CARMIL1: variants seen among roughly 807,000 people sequenced by gnomAD.
The protein encoded by CARMIL1 is F-actin-uncapping protein LRRC16A.
CARMIL1 carries 90 observed loss-of-function variants against 177.1 expected under a neutral mutation model. The observed-to-expected ratio is 0.51, with a 90% CI of 0.43 to 0.61. The LOEUF is 0.61. CARMIL1 is among the 20% of genes least tolerant of loss of function. The pLI, the probability that CARMIL1 is intolerant of heterozygous loss-of-function variation, is 0.00. For missense variants in CARMIL1, 1,380 were observed against 1,667.0 expected (o/e 0.83, Z 3.00); for synonymous variants, 577 against 606.2 (o/e 0.95, Z 0.71).
intron 2 of CARMIL1, chr6:25,287,334 C>T (rs1781593841): frequency 6.6e-6 from 1 of 152,194 alleles, no homozygotes; most frequent in South Asian, 2.1e-4. Context: ...TTTCTTCTTA[C>T]ACTTGAGACT....
At chr6:25,461,883 G>A (rs1052079513) in intron 8 of CARMIL1, among the ~76,000 whole-genome samples, 20 of 151,808 alleles carry the variant, frequency 1.3e-4, no homozygotes, top group Admixed American at 2.6e-4. Flanking sequence ...TTTTTAAACC[G>A]TGCATCTCTT....
chr6:25,550,711 G>A (rs1273320422), intron 26 of CARMIL1, among the ~76,000 whole-genome samples, 199 bp from the exon 27 acceptor site: 1 of 152,130 alleles, frequency 6.6e-6, no homozygotes, highest in Non-Finnish European at 1.5e-5. Context: ...CTGATTTAAA[G>A]TGATTACCAG....
At chr6:25,407,726 C>T (rs577018001) in intron 2 of CARMIL1, among the ~76,000 whole-genome samples, 1 of 152,122 alleles carries the variant, frequency 6.6e-6, no homozygotes, top group Non-Finnish European at 1.5e-5. Flanking sequence ...AGGACATTAA[C>T]ACATGGAGGA....
chr6:25,517,988 A>G (rs1806180424), intron 22 of CARMIL1, among the ~76,000 whole-genome samples: 1 of 152,246 alleles, frequency 6.6e-6, no homozygotes, highest in African/African-American at 2.4e-5. Flanking sequence ...GTTGAAAGTA[A>G]TACTAGGAAT....
intron 4 of CARMIL1, among the ~76,000 whole-genome samples, chr6:25,431,646 G>A (rs375891986): frequency 2.7e-4 from 41 of 152,188 alleles, no homozygotes; most frequent in African/African-American, 7.9e-4. Flanking sequence ...GGTTATGTTC[G>A]AAATATGATT....
rs150327310 is a variant in CARMIL1 at position 25,575,381 on chromosome 6, G to A, written c.2743-5543G>A. ...TTTTAGGAGTTGAACCAATTGAAAG[G>A]TTCCTCACCATCACTTATAATGATC... is the stretch of plus-strand genomic sequence containing the variant. On this transcript the variant is annotated intron_variant, in intron 29 of 36. Coordinates refer to ENST00000329474, the MANE Select transcript of CARMIL1 (RefSeq NM_017640.6). Among the ~76,000 whole-genome samples, 175 of 152,286 alleles carry A rather than the reference G, an allele frequency of 1.1e-3. 2 individuals are homozygous for A. The Middle Eastern group carries it at 0.024, about 21-fold the overall frequency.
At chr6:25,436,385 G>A (rs542639321) in intron 5 of CARMIL1, among the ~76,000 whole-genome samples, 22 of 152,298 alleles carry the variant, frequency 1.4e-4, no homozygotes, top group African/African-American at 4.6e-4. Context: ...TGTATACAGG[G>A]AAGGGCTGGA....
chr6:25,488,606 T>G, intron 13 of CARMIL1, 21 bp downstream of exon 13: 1 of 1,564,396 alleles, frequency 6.4e-7, no homozygotes, highest in Non-Finnish European at 8.8e-7. Context: ...TTTTCTTTAT[T>G]CCATCTTCGA....
In CARMIL1 at chr6:25,326,810, A is replaced by C. The variant is rs920352250; in HGVS notation, c.138+41901A>C. On this transcript the variant is annotated intron_variant, in intron 2 of 36. Coordinates refer to ENST00000329474, the MANE Select transcript of CARMIL1 (RefSeq NM_017640.6). The surrounding 1 kb of genome is among the most constrained non-coding windows in gnomAD (Gnocchi z 4.2). ...GGGAGCTGAGGAAAAAGGAGAAATC[A>C]GAAATATTATTATTATTATTAATGT... Among the ~76,000 whole-genome samples, 1 of 151,940 alleles carries C rather than the reference A, an allele frequency of 6.6e-6. No individual in the cohort carries two copies. Among genetic ancestry groups the C allele is most frequent in the Admixed American group, 6.5e-5 (1 of 15,270 alleles).
intron 2 of CARMIL1, among the ~76,000 whole-genome samples, chr6:25,306,326 C>T (rs75642877): frequency 9.2e-5 from 14 of 152,224 alleles, no homozygotes; most frequent in African/African-American, 2.4e-4. Context: ...TGAGCATTAC[C>T]GCCTGAGTTC....
intron 29 of CARMIL1, among the ~76,000 whole-genome samples, chr6:25,560,469 T>C (rs1440956121): frequency 2.0e-5 from 3 of 152,166 alleles, no homozygotes; most frequent in Non-Finnish European, 4.4e-5. Flanking sequence ...TTCTTATTCA[T>C]GTGCTTAACA....
intron 2 of CARMIL1, among the ~76,000 whole-genome samples, chr6:25,398,962 G>C (rs905362578): frequency 1.3e-5 from 2 of 152,188 alleles, no homozygotes; most frequent in African/African-American, 4.8e-5. Context: ...TCTATAACAA[G>C]AGAATCATGG....
intron 4 of CARMIL1, chr6:25,432,776 C>G (rs1422911666): frequency 1.3e-5 from 2 of 152,182 alleles, no homozygotes; most frequent in Non-Finnish European, 2.9e-5. Context: ...AAACAACTCA[C>G]AGGTCTGTTA....
At chr6:25,416,586 G>A (rs1405691984) in intron 2 of CARMIL1, among the ~76,000 whole-genome samples, 1 of 152,168 alleles carries the variant, frequency 6.6e-6, no homozygotes, top group East Asian at 1.9e-4. Flanking sequence ...TCCTTTGAAG[G>A]AAAGTTCACA....
chr6:25,551,230 T>G, intron 27 of CARMIL1, 145 bp downstream of exon 27: 1 of 618,350 alleles, frequency 1.6e-6, no homozygotes, highest in Non-Finnish European at 2.8e-6. Context: ...TAAATATAAC[T>G]GTGCATAAAT....
At chr6:25,295,019 C>T (rs1782278508) in intron 2 of CARMIL1, among the ~76,000 whole-genome samples, 1 of 152,150 alleles carries the variant, frequency 6.6e-6, no homozygotes. Flanking sequence ...GTGAAGAATG[C>T]TACCTATGCA....
chr6:25,298,817 C>T (rs1443408938), intron 2 of CARMIL1, among the ~76,000 whole-genome samples: 4 of 149,596 alleles, frequency 2.7e-5, no homozygotes, highest in East Asian at 2.0e-4. Context: ...TGCAATGGCG[C>T]GATCTCGGCT....
At chr6:25,555,705 C>A (rs9295664) in intron 28 of CARMIL1, among the ~76,000 whole-genome samples, 3 of 152,028 alleles carry the variant, frequency 2.0e-5, no homozygotes, top group African/African-American at 7.2e-5. Context: ...CCTAGAGCAT[C>A]CTTTTAAAAT....
chr6:25,339,456 A>G (rs777016993), intron 2 of CARMIL1, among the ~76,000 whole-genome samples: 3 of 152,158 alleles, frequency 2.0e-5, no homozygotes, highest in South Asian at 2.1e-4. Flanking sequence ...ATTCTGCCCA[A>G]TCCTTTTCTG....
Sources: gnomAD v4.1 joint callset for allele counts (sites outside exome capture counted in the v4.1 genomes callset) on GRCh38, gnomAD v4.1.1 for gene constraint, Gnocchi (gnomAD v3.1) non-coding constraint, MANE v1.5 for transcripts, NCBI Gene and HGNC (gene_info 2026-07-23, HGNC 2026-07-21) for gene names.